KIAA1328: variants seen among roughly 807,000 people sequenced by gnomAD.
KIAA1328 encodes the protein KIAA1328.
A neutral mutation model predicts 68.1 loss-of-function variants in KIAA1328; 52 were observed. That is an observed-to-expected ratio of 0.76 (90% CI 0.61 to 0.96). The LOEUF (loss-of-function observed/expected upper bound fraction) is 0.96. Ranked by LOEUF, KIAA1328 falls within the 40% of genes least tolerant of loss-of-function variation. The pLI is 0.00. For synonymous variants in KIAA1328, 232 were observed against 239.4 expected (o/e 0.97, Z 0.28); for missense variants, 641 against 677.6 (o/e 0.95, Z 0.60).
intron 4 of KIAA1328, among the ~76,000 whole-genome samples, chr18:36,867,623 T>C (rs2047798969): frequency 6.6e-6 from 1 of 152,232 alleles, no homozygotes; most frequent in South Asian, 2.1e-4. Context: ...GTGGCTTTCA[T>C]GTATCTTGGA....
At chr18:37,162,487 G>A (rs191196806) in intron 8 of KIAA1328, among the ~76,000 whole-genome samples, 1 of 152,178 alleles carries the variant, frequency 6.6e-6, no homozygotes, top group Admixed American at 6.5e-5. Flanking sequence ...TCTGCCCATT[G>A]CACAGCTAGT....
chr18:36,939,288 A>G (rs545629782), intron 5 of KIAA1328, among the ~76,000 whole-genome samples: 2 of 152,260 alleles, frequency 1.3e-5, no homozygotes, highest in South Asian at 2.1e-4. Context: ...AATTTTTGGT[A>G]TAACAGATAT....
intron 9 of KIAA1328, among the ~76,000 whole-genome samples, chr18:37,176,933 A>G (rs2059607465): frequency 6.6e-6 from 1 of 152,228 alleles, no homozygotes; most frequent in African/African-American, 2.4e-5. Context: ...CAGGAAATAT[A>G]TAACACTCAA....
intron 5 of KIAA1328, 76 bp downstream of exon 5, chr18:36,885,748 G>C (rs960629869): frequency 4.1e-6 from 4 of 967,774 alleles, no homozygotes; most frequent in Non-Finnish European, 6.2e-6. Context: ...ACGAAATCTC[G>C]CTCTTGTCGC....
intron 4 of KIAA1328, among the ~76,000 whole-genome samples, chr18:36,871,795 A>G (rs1277420295): frequency 6.6e-6 from 1 of 152,092 alleles, no homozygotes; most frequent in Non-Finnish European, 1.5e-5. Context: ...CTGATAGGGA[A>G]AGACAGGTGT....
At chr18:37,205,062 G>A (rs192930917) in intron 9 of KIAA1328, among the ~76,000 whole-genome samples, 5 of 152,214 alleles carry the variant, frequency 3.3e-5, no homozygotes, top group East Asian at 1.9e-4. Flanking sequence ...TACCAAGGAC[G>A]CACAAGTCAT....
rs143846377 is a variant in KIAA1328 at position 37,193,299 on chromosome 18, A to G, written c.1523+20218A>G. ...CTAGTCTCTAGTCTAATTTTGAAAT[A>G]TATTTCAGAATTCAATTTTTAAAAG... On this transcript the variant is annotated intron_variant, in intron 9 of 9. Transcript: ENST00000280020. Among the ~76,000 whole-genome samples, 32 of 152,318 alleles carry G rather than the reference A, an allele frequency of 2.1e-4. No individual in the cohort carries two copies. In the East Asian group the frequency reaches 6.0e-3, roughly 28 times the overall value.
chr18:37,138,322 A>G (rs1568455001), intron 7 of KIAA1328, among the ~76,000 whole-genome samples: 1 of 152,234 alleles, frequency 6.6e-6, no homozygotes, highest in African/African-American at 2.4e-5. Flanking sequence ...AGAAATAGCT[A>G]TAGAATAGCC....
At chr18:36,906,570 C>G (rs557495376) in intron 5 of KIAA1328, among the ~76,000 whole-genome samples, 1 of 151,810 alleles carries the variant, frequency 6.6e-6, no homozygotes, top group Non-Finnish European at 1.5e-5. Context: ...ATGGATATAC[C>G]ATAGTTTGCT....
chr18:36,973,327 G>A (rs2052312693), intron 6 of KIAA1328, among the ~76,000 whole-genome samples: 1 of 151,612 alleles, frequency 6.6e-6, no homozygotes, highest in Admixed American at 6.6e-5. Context: ...CCTGCTGGGG[G>A]GTCGGGGGAG....
rs59927777 is a variant in KIAA1328, at chr18:37,010,441, T to TAAAAAAAA, written c.576+51028_576+51035dup. ...CTGTGCAACAGAGTGAGACACCATC[T>TAAAAAAAA]AAAAAAAAAAAAAAAAAAAAAAAAA... On this transcript the variant is annotated intron_variant, in intron 6 of 9. Transcript: ENST00000280020. 5.3e-3 allele frequency among the ~76,000 whole-genome samples: 476 copies of TAAAAAAAA among 90,276 alleles called. 19 individuals carry two copies. Among genetic ancestry groups the TAAAAAAAA allele is most frequent in the Non-Finnish European group, 6.3e-3 (318 of 50,626 alleles). 59.2% of individuals were successfully genotyped at this position (90,276 alleles called of 152,430 possible). A position where few individuals can be genotyped will look rare whatever the true frequency, so the allele number is the denominator to read the frequency against.
chr18:36,860,304 A>G lies in KIAA1328; in HGVS notation c.332+16002A>G, dbSNP rs147381093. Among the ~76,000 whole-genome samples the G allele has an allele frequency of 1.3e-3, 203 of 152,238 alleles. 3 individuals carry two copies. The Middle Eastern group carries it at 0.024, about 18-fold the overall frequency. On this transcript the variant is annotated intron_variant, in intron 4 of 9. Transcript: ENST00000280020. ...CATTAAGTCATCTTGATTATATTCA[A>G]ATCTTCTATTTACTTAGTGATTTTT... is the stretch of plus-strand genomic sequence containing the variant.
At chr18:36,867,843 G>A (rs1328300311) in intron 4 of KIAA1328, among the ~76,000 whole-genome samples, 2 of 152,186 alleles carry the variant, frequency 1.3e-5, no homozygotes, top group Non-Finnish European at 2.9e-5. Context: ...AACAAGCTCA[G>A]CATATTATGT....
At chr18:37,101,088 G>A (rs576860810) in intron 7 of KIAA1328, among the ~76,000 whole-genome samples, 3 of 152,142 alleles carry the variant, frequency 2.0e-5, no homozygotes, top group South Asian at 2.1e-4. Context: ...AGCAGAAAAC[G>A]AAACTCTAAA....
chr18:36,872,130 A>G (rs946036648), intron 4 of KIAA1328, among the ~76,000 whole-genome samples: 4 of 152,124 alleles, frequency 2.6e-5, no homozygotes, highest in African/African-American at 9.7e-5. Context: ...TCCTTAGGAT[A>G]CTCGTAAAAA....
intron 8 of KIAA1328, among the ~76,000 whole-genome samples, chr18:37,165,958 G>A (rs1235329882): frequency 1.3e-5 from 2 of 150,836 alleles, no homozygotes; most frequent in Non-Finnish European, 2.9e-5. Flanking sequence ...CTTTTTTTCT[G>A]TACTTACAAT....
chr18:37,229,721 G>T, downstream of KIAA1328: 1 of 329,534 alleles, frequency 3.0e-6, no homozygotes, highest in Non-Finnish European at 5.5e-6. Flanking sequence ...TTTTGTATTT[G>T]TAAAAATACA....
intron 3 of KIAA1328, among the ~76,000 whole-genome samples, chr18:36,840,278 TTTTTG>T (rs1451698703): frequency 1.8e-4 from 28 of 151,982 alleles, no homozygotes; most frequent in Admixed American, 1.7e-3. Flanking sequence ...TTTTGTCAGG[TTTTTG>T]TTTTGTTTTG....
At chr18:37,119,137 G>T (rs1317354451) in intron 7 of KIAA1328, among the ~76,000 whole-genome samples, 1 of 152,186 alleles carries the variant, frequency 6.6e-6, no homozygotes, top group Non-Finnish European at 1.5e-5. Context: ...TAAGTCCATG[G>T]ATGGTGGTTT....
Sources: gnomAD v4.1 joint callset for allele counts (sites outside exome capture counted in the v4.1 genomes callset) on GRCh38, gnomAD v4.1.1 for gene constraint, MANE v1.5 for transcripts, NCBI Gene and HGNC (gene_info 2026-07-23, HGNC 2026-07-21) for gene names.